The following UPB1 variants were observed in gnomAD, a reference collection of about 807,000 sequenced individuals.
UPB1 encodes the protein beta-ureidopropionase.
Under a neutral mutation model 49.1 loss-of-function variants are expected in UPB1, and 40 were observed. The ratio of observed to expected loss-of-function variants is 0.81; its 90% CI spans 0.63 to 1.06. UPB1 has a LOEUF of 1.06. UPB1 is among the 50% of genes least tolerant of loss of function. The pLI is 0.00. For synonymous variants in UPB1, 207 were observed against 198.2 expected, an observed-to-expected ratio of 1.04 and a Z score of -0.38; for missense variants, 499 against 505.9, an observed-to-expected ratio of 0.99 and a Z score of 0.13.
chr22:24,495,550 A>G (rs1342475239), intron 1 of UPB1, 43 bp downstream of exon 1: 18 of 1,605,958 alleles, frequency 1.1e-5, no homozygotes, highest in Non-Finnish European at 1.5e-5. Context: ...TTGGGGCCAC[A>G]GAGTGTGGGT....
chr22:24,504,904 ATTT>A (rs56198043), intron 3 of UPB1, among the ~76,000 whole-genome samples: 1 of 109,360 alleles, frequency 9.1e-6, no homozygotes. Context: ...ATTTTCTTGA[ATTT>A]TTTTTTTTTT....
intron 4 of UPB1, among the ~76,000 whole-genome samples, chr22:24,512,716 A>G (rs1258159926): frequency 1.3e-5 from 2 of 152,150 alleles, no homozygotes; most frequent in East Asian, 3.8e-4. Flanking sequence ...CCACCGTTCT[A>G]TTAATATTAT....
intron 3 of UPB1, 170 bp downstream of exon 3, chr22:24,502,383 A>G (rs768883830): frequency 4.9e-6 from 4 of 810,572 alleles, no homozygotes; most frequent in East Asian, 2.4e-5. Context: ...GCTGTTACGC[A>G]CCGAGCTGTT....
chr22:24,505,580 C>T (rs1372956290), intron 3 of UPB1, among the ~76,000 whole-genome samples: 10 of 152,252 alleles, frequency 6.6e-5, no homozygotes, highest in Admixed American at 6.5e-4. Context: ...TGCCCTGCTC[C>T]AAAGCCAGAG....
chr22:24,514,200 T>C (rs1014897533), intron 5 of UPB1, among the ~76,000 whole-genome samples: 10 of 152,036 alleles, frequency 6.6e-5, no homozygotes, highest in African/African-American at 2.4e-4. Flanking sequence ...TCTCTCTCCA[T>C]GAATGTGGGG....
Position 24,496,404 on chromosome 22 carries a change from TAC to T in UPB1, c.104+918_104+919del, listed in dbSNP as rs1012330972. Among the ~76,000 whole-genome samples, 1,050 of 126,748 alleles carry T rather than the reference TAC, an allele frequency of 8.3e-3. 4 individuals are homozygous for T. Among genetic ancestry groups the T allele is most frequent in the South Asian group, 0.045 (165 of 3,670 alleles). The allele number at this position is 126,748 out of a possible 152,430, so 83.2% of individuals were successfully genotyped here. Reference sequence around the variant, plus strand: ...ACACACACACACACACACACACACATACACACACACACACACACACACGTCTT... The same window carrying T: ...ACACACACACACACACACACACACATACACACACACACACACACACGTCTT... On this transcript the variant is annotated intron_variant, in intron 1 of 9. Transcript: ENST00000326010.
At chr22:24,506,193 G>A (rs550118249) in intron 3 of UPB1, among the ~76,000 whole-genome samples, 1 of 151,216 alleles carries the variant, frequency 6.6e-6, no homozygotes, top group South Asian at 2.1e-4. Flanking sequence ...GCTAATTTTT[G>A]TATTTTTAGT....
At chr22:24,509,377 A>G (rs977580275) in intron 3 of UPB1, among the ~76,000 whole-genome samples, 2 of 49,668 alleles carry the variant, frequency 4.0e-5, no homozygotes, top group South Asian at 4.7e-4. Context: ...AAAAAAAAAA[A>G]AAAAAAAAAA....
intron 4 of UPB1, among the ~76,000 whole-genome samples, chr22:24,512,713 TC>T (rs2044227872): frequency 6.6e-6 from 1 of 152,198 alleles, no homozygotes; most frequent in Non-Finnish European, 1.5e-5. Context: ...CAACCACCGT[TC>T]TATTAATATT....
chr22:24,514,935 A>G (rs2044266689), intron 5 of UPB1, among the ~76,000 whole-genome samples: 1 of 152,168 alleles, frequency 6.6e-6, no homozygotes, highest in Non-Finnish European at 1.5e-5. Flanking sequence ...AATAGTGTGG[A>G]ACGTCATTGT....
At position 24,502,206 on chromosome 22, in the gene UPB1, A is replaced by G. The variant is rs956484720; in HGVS notation, c.357A>G (p.Glu119=). The G allele has an allele frequency of 1.9e-6, 3 of 1,614,140 alleles. No homozygotes were observed. Among genetic ancestry groups the G allele is most frequent in the African/African-American group, 1.3e-5 (1 of 75,020 alleles). Residue 119 remains glutamate (E), a synonymous_variant, in exon 3 of 10, where the codon GAA becomes GAG. Coordinates refer to ENST00000326010, the MANE Select transcript of UPB1 (RefSeq NM_016327.3). ...MCGVNIICFQ[E]AWTMPFAFCT... ...GAGTCAACATCATCTGTTTCCAGGA[A>G]GCATGGAGTGAGTCTTTTTTATGGT...
intron 6 of UPB1, 200 bp from the exon 7 acceptor site, chr22:24,520,187 G>T (rs2044362821): frequency 1.6e-6 from 1 of 640,206 alleles, no homozygotes; most frequent in Non-Finnish European, 2.8e-6. Flanking sequence ...GGACAGGCTG[G>T]CCTGGTTGCA....
chr22:24,523,398 CA>C (rs2044430054), intron 8 of UPB1, among the ~76,000 whole-genome samples: 1 of 152,188 alleles, frequency 6.6e-6, no homozygotes, highest in Non-Finnish European at 1.5e-5. Flanking sequence ...GACATTTCCC[CA>C]GGGGCAAAGG....
intron 3 of UPB1, among the ~76,000 whole-genome samples, chr22:24,509,104 A>T (rs2044145142): frequency 6.6e-6 from 1 of 152,086 alleles, no homozygotes; most frequent in Non-Finnish European, 1.5e-5. Context: ...CTCACCGGGG[A>T]TATGGGAAAC....
chr22:24,513,015 A>G (rs1337062317), intron 4 of UPB1, among the ~76,000 whole-genome samples: 1 of 152,240 alleles, frequency 6.6e-6, no homozygotes, highest in Non-Finnish European at 1.5e-5. Context: ...TCTGCTTTCA[A>G]TACTTTTGGA....
chr22:24,520,144 C>T (rs950713729), intron 6 of UPB1: 6 of 572,510 alleles, frequency 1.0e-5, no homozygotes, highest in Non-Finnish European at 1.6e-5. Flanking sequence ...CAGGCCCTTC[C>T]CAAAGGCTGT....
intron 3 of UPB1, among the ~76,000 whole-genome samples, chr22:24,504,759 A>T (rs1601486651): frequency 2.2e-5 from 2 of 91,556 alleles, no homozygotes; most frequent in Admixed American, 1.8e-4. Context: ...ACGTGGTCTT[A>T]CTCTGTCACT....
intron 3 of UPB1, 70 bp downstream of exon 3, chr22:24,502,283 G>A: frequency 6.7e-7 from 1 of 1,482,106 alleles, no homozygotes; most frequent in Non-Finnish European, 9.4e-7. Flanking sequence ...GTTGCCAAGA[G>A]TGTCTGCTGC....
intron 3 of UPB1, among the ~76,000 whole-genome samples, chr22:24,504,327 A>G (rs1024148267): frequency 1.3e-5 from 2 of 152,252 alleles, no homozygotes; most frequent in Admixed American, 1.3e-4. Context: ...TTGGTTGAGC[A>G]TCAAATTTTA....
Sources: allele counts gnomAD v4.1 joint callset (sites outside exome capture counted in the v4.1 genomes callset), GRCh38; gene constraint gnomAD v4.1.1; transcripts MANE v1.5; gene names NCBI Gene and HGNC (gene_info 2026-07-23, HGNC 2026-07-21).